HLA-DRB5: variants seen among roughly 807,000 people sequenced by gnomAD.
HLA-DRB5 encodes DR beta-5.
In HLA-DRB5, 11 loss-of-function variants were observed where a neutral mutation model predicts 22.4. That is an observed-to-expected ratio of 0.49 (90% CI 0.31 to 0.81). HLA-DRB5 has a LOEUF of 0.81. Among genes scored for constraint, HLA-DRB5 ranks in the 40% least tolerant of loss-of-function variants. The pLI is 0.05. For missense variants in HLA-DRB5, 106 were observed against 274.4 expected, an observed-to-expected ratio of 0.39 and a Z score of 4.34; for synonymous variants, 57 against 106.0, an observed-to-expected ratio of 0.54 and a Z score of 2.84.
intron 1 of HLA-DRB5, among the ~76,000 whole-genome samples, chr6:32,529,311 T>TACATTC (rs1352938121): frequency 1.5e-5 from 1 of 66,364 alleles, no homozygotes; most frequent in East Asian, 4.6e-4. Context: ...TAATTTGTCC[T>TACATTC]ATGTTAGTTG....
intron 1 of HLA-DRB5, among the ~76,000 whole-genome samples, chr6:32,523,756 G>A (rs112931124): frequency 0.54 from 48,711 of 89,904 alleles, 12,653 homozygotes; most frequent in East Asian, 0.57. Context: ...GCATAATGAA[G>A]CAAGCAAAAA....
chr6:32,522,327 A>G (rs189288640), intron 1 of HLA-DRB5, among the ~76,000 whole-genome samples, 153 bp from the exon 2 acceptor site: 7 of 33,386 alleles, frequency 2.1e-4, no homozygotes, highest in South Asian at 8.4e-4. Flanking sequence ...CCAGAGGCTC[A>G]TCCTCCGTCT....
intron 2 of HLA-DRB5, among the ~76,000 whole-genome samples, chr6:32,520,740 G>A (rs180723063): frequency 0.14 from 7,441 of 53,416 alleles, 1,254 homozygotes; most frequent in Non-Finnish European, 0.16. Flanking sequence ...GATTTAAGAT[G>A]GTTTGTAAAC....
intron 1 of HLA-DRB5, among the ~76,000 whole-genome samples, chr6:32,523,107 A>G (rs182104867): frequency 0.23 from 11,546 of 50,742 alleles, 1,042 homozygotes; most frequent in Middle Eastern, 0.34. Flanking sequence ...TTTATGCTAA[A>G]GACAGTGGGA....
Position 32,522,068 on chromosome 6 carries a change from G to A in HLA-DRB5, c.207C>T (p.Phe69=). ...CCCGGTACTCCCCCACGTCGCTGTC[G>A]AAGCGCAAGTCCTCCTCTTGGTTAT... ...DIYNQEEDLR[F]DSDVGEYRAV... Residue 69 remains phenylalanine, a synonymous_variant, in exon 2 of 6, where the codon TTC becomes TTT. Coordinates refer to ENST00000374975, the MANE Select transcript of HLA-DRB5 (RefSeq NM_002125.4). 1.3e-6 allele frequency: 2 copies of A among 1,502,610 alleles called. No homozygotes were observed. The highest frequency in any genetic ancestry group is 9.1e-7 in the Non-Finnish European group (1 of 1,099,310). 93.1% of individuals were successfully genotyped at this position (1,502,610 alleles called of 1,614,324 possible). A position where few individuals can be genotyped will look rare whatever the true frequency, so the allele number is the denominator to read the frequency against.
At chr6:32,528,178 A>G (rs1458519863) in intron 1 of HLA-DRB5, among the ~76,000 whole-genome samples, 86 of 60,766 alleles carry the variant, frequency 1.4e-3, no homozygotes, top group Admixed American at 2.2e-3. Flanking sequence ...TTTCTCAAGT[A>G]GGGCTCTCTA....
rs150509458 is a variant in HLA-DRB5 at position 32,517,822 on chromosome 6, G to C, written c.788-70C>G. On this transcript the variant is annotated intron_variant, in intron 5 of 5. Coordinates refer to ENST00000374975, the MANE Select transcript of HLA-DRB5 (RefSeq NM_002125.4). Reference sequence around the variant, plus strand: ...AACAGCTTCTTTTCCTCTCTTTCAAGGACTCAGATGAGAGCACTGCAGGAA... The same window carrying C: ...AACAGCTTCTTTTCCTCTCTTTCAACGACTCAGATGAGAGCACTGCAGGAA... 6.0e-4 allele frequency: 236 copies of C among 392,124 alleles called. 4 individuals carry two copies. The highest frequency in any genetic ancestry group is 1.1e-3 in the Admixed American group (16 of 14,280). 24.3% of individuals were successfully genotyped at this position (392,124 alleles called of 1,614,324 possible).
intron 1 of HLA-DRB5, among the ~76,000 whole-genome samples, chr6:32,524,279 TACCAACCAGTC>T (rs1487801869): frequency 0.097 from 7,740 of 79,792 alleles, 1 homozygote; most frequent in Admixed American, 0.17. Flanking sequence ...TTCCTTGCAT[TACCAACCAGTC>T]ACCAAATCAT....
At chr6:32,518,849 A>ACG (rs1562422997) in intron 3 of HLA-DRB5, among the ~76,000 whole-genome samples, 183 bp from the exon 4 acceptor site, 2 of 57,174 alleles carry the variant, frequency 3.5e-5, no homozygotes, top group Admixed American at 2.2e-4. Flanking sequence ...AGTTTCAGGG[A>ACG]TCAAATTCAT....
At chr6:32,520,994 G>A (rs145068375) in intron 2 of HLA-DRB5, among the ~76,000 whole-genome samples, 1,755 of 36,534 alleles carry the variant, frequency 0.048, 105 homozygotes, top group Non-Finnish European at 0.062. Context: ...AATTCTTAGA[G>A]CAGTAATTAT....
chr6:32,518,923 T>A (rs111368567), intron 3 of HLA-DRB5, among the ~76,000 whole-genome samples: 1 of 55,572 alleles, frequency 1.8e-5, no homozygotes, highest in African/African-American at 6.3e-5. Context: ...AGCCTGAGAC[T>A]CAATGAGGTT....
intron 2 of HLA-DRB5, among the ~76,000 whole-genome samples, chr6:32,521,487 C>T (rs1399223476): frequency 0.014 from 1,607 of 111,492 alleles, no homozygotes; most frequent in East Asian, 0.041. Context: ...ACAAATCTTC[C>T]ACACCCCTCA....
chr6:32,521,555 C>A (rs796495278), intron 2 of HLA-DRB5, among the ~76,000 whole-genome samples: 700 of 103,786 alleles, frequency 6.7e-3, no homozygotes, highest in Non-Finnish European at 8.2e-3. Context: ...TCCTTCCCTG[C>A]ATCTCTAAGG....
Position 32,520,040 on chromosome 6 carries a change from A to T in HLA-DRB5, c.371-389T>A, listed in dbSNP as rs191015626. 2.2e-3 allele frequency among the ~76,000 whole-genome samples: 83 copies of T among 38,362 alleles called. 3 individuals carry two copies. Among genetic ancestry groups the T allele is most frequent in the East Asian group, 4.9e-3 (7 of 1,440 alleles). The allele number at this position is 38,362 out of a possible 152,430, so 25.2% of individuals were successfully genotyped here. ...GATTCTTCTGTGTCTCAACTTTCTC[A>T]CCCATAATAGAGGATAATTATAGTA... On this transcript the variant is annotated intron_variant, in intron 2 of 5. Coordinates refer to ENST00000374975, the MANE Select transcript of HLA-DRB5 (RefSeq NM_002125.4).
intron 1 of HLA-DRB5, among the ~76,000 whole-genome samples, chr6:32,527,688 C>A (rs182909749): frequency 2.3e-3 from 79 of 33,642 alleles, no homozygotes; most frequent in East Asian, 4.1e-3. Flanking sequence ...ACCAGCCTGG[C>A]CAACATGGTG....
At chr6:32,527,217 T>TAAATTG (rs142374462) in intron 1 of HLA-DRB5, among the ~76,000 whole-genome samples, 2 of 41,378 alleles carry the variant, frequency 4.8e-5, no homozygotes, top group Non-Finnish European at 1.0e-4. Context: ...AAATTCAATA[T>TAAATTG]AGGCCGGGCA....
chr6:32,519,866 CT>C (rs1768611947), intron 2 of HLA-DRB5, among the ~76,000 whole-genome samples: 1 of 94,744 alleles, frequency 1.1e-5, no homozygotes, highest in Non-Finnish European at 2.2e-5. Flanking sequence ...GTGTTTGTTT[CT>C]TCATCACTTG....
chr6:32,530,089 CCCCA>C (rs1770188500), intron 1 of HLA-DRB5, 32 bp downstream of exon 1: 1 of 1,321,864 alleles, frequency 7.6e-7, no homozygotes, highest in Admixed American at 1.8e-5. Context: ...ATTTTCCCCA[CCCCA>C]TAGTAGCTCA....
At chr6:32,527,170 A>G (rs1250348061) in intron 1 of HLA-DRB5, among the ~76,000 whole-genome samples, 2,015 of 86,292 alleles carry the variant, frequency 0.023, 47 homozygotes, top group Middle Eastern at 0.035. Flanking sequence ...CAACCCCAAC[A>G]ATCCAATCCC....
Sources: gnomAD v4.1 joint callset for allele counts (sites outside exome capture counted in the v4.1 genomes callset) on GRCh38, gnomAD v4.1.1 for gene constraint, MANE v1.5 for transcripts, NCBI Gene and HGNC (gene_info 2026-07-23, HGNC 2026-07-21) for gene names.